The following MAST2 variants were observed in gnomAD, a reference collection of about 807,000 sequenced individuals.
The protein encoded by MAST2 is microtubule-associated serine/threonine-protein kinase 2.
Under a neutral mutation model 147.4 loss-of-function variants are expected in MAST2, and 70 were observed. The ratio of observed to expected loss-of-function variants is 0.47; its 90% CI spans 0.39 to 0.58. The LOEUF is 0.58. Ranked by LOEUF, MAST2 falls within the 20% of genes least tolerant of loss-of-function variation. The pLI is 0.00. For missense variants in MAST2, 2,080 were observed against 2,302.3 expected (o/e 0.90, Z 1.98); for synonymous variants, 869 against 896.8 (o/e 0.97, Z 0.55).
chr1:45,940,621 AT>A (rs372778900), intron 4 of MAST2, among the ~76,000 whole-genome samples: 1,486 of 140,970 alleles, frequency 0.011, 20 homozygotes, highest in African/African-American at 0.028. Flanking sequence ...AAGGTTGAGG[AT>A]TTTTTTTTTT....
chr1:45,812,349 G>T (rs1221623387), intron 1 of MAST2, among the ~76,000 whole-genome samples: 3 of 152,086 alleles, frequency 2.0e-5, no homozygotes, highest in Non-Finnish European at 4.4e-5. Flanking sequence ...CCCTGATGAG[G>T]GTAGGACACA....
At chr1:45,921,722 G>A (rs1653525495) in intron 4 of MAST2, among the ~76,000 whole-genome samples, 1 of 152,220 alleles carries the variant, frequency 6.6e-6, no homozygotes. Context: ...CCCCAAAGCA[G>A]GAGTCACAGC....
In MAST2 at chr1:46,033,870, G is replaced by A; in HGVS notation, c.3606G>A (p.Arg1202=). 2 of 1,614,204 alleles carry A rather than the reference G, an allele frequency of 1.2e-6. No homozygotes were observed. The highest frequency in any genetic ancestry group is 1.7e-6 in the Non-Finnish European group (2 of 1,180,030). Residue 1202 remains arginine (R), a synonymous_variant, in exon 27 of 29, where the codon CGG becomes CGA. Transcript: ENST00000361297. Reference sequence around the variant, plus strand: ...CATCCATTAAAGTGGGGCCAGCTCGGAAGGGCAGCTACAAGGCCAAGATGG... The same window carrying A: ...CATCCATTAAAGTGGGGCCAGCTCGAAAGGGCAGCTACAAGGCCAAGATGG... ...ENTSIKVGPA[R]KGSYKAKMAR...
At chr1:45,934,858 A>G (rs1655946641) in intron 4 of MAST2, among the ~76,000 whole-genome samples, 1 of 152,204 alleles carries the variant, frequency 6.6e-6, no homozygotes, top group Admixed American at 6.5e-5. Flanking sequence ...GCTGTGATGA[A>G]CATGTGAGTG....
At chr1:45,856,157 A>T (rs1645781433) in intron 3 of MAST2, among the ~76,000 whole-genome samples, 1 of 152,194 alleles carries the variant, frequency 6.6e-6, no homozygotes, top group African/African-American at 2.4e-5. Context: ...GGTACACAGC[A>T]AACTTGTAAT....
chr1:45,936,527 G>T (rs151235587), intron 4 of MAST2, among the ~76,000 whole-genome samples: 1 of 152,098 alleles, frequency 6.6e-6, no homozygotes, highest in Non-Finnish European at 1.5e-5. Context: ...TTTGAGGTAT[G>T]TTCCTTTGAT....
At chr1:45,982,606 C>T (rs1003114130) in intron 5 of MAST2, among the ~76,000 whole-genome samples, 1 of 152,220 alleles carries the variant, frequency 6.6e-6, no homozygotes, top group African/African-American at 2.4e-5. Flanking sequence ...TCCCCTCCCA[C>T]ACCTCACCCT....
intron 4 of MAST2, among the ~76,000 whole-genome samples, chr1:45,947,111 AT>A (rs1658154985): frequency 1.3e-5 from 2 of 152,146 alleles, no homozygotes; most frequent in Admixed American, 1.3e-4. Flanking sequence ...GCTATGTAGC[AT>A]TTCTTAGCCT....
chr1:45,812,637 G>C (rs1391819100), intron 1 of MAST2, among the ~76,000 whole-genome samples: 1 of 151,984 alleles, frequency 6.6e-6, no homozygotes, highest in African/African-American at 2.4e-5. Flanking sequence ...TGTTGGTCAG[G>C]CTGTCTCAAA....
At chr1:45,863,446 AT>A (rs1005757570) in intron 3 of MAST2, among the ~76,000 whole-genome samples, 5 of 152,324 alleles carry the variant, frequency 3.3e-5, no homozygotes, top group African/African-American at 9.6e-5. Flanking sequence ...GGAAATGTGG[AT>A]TTATTAGCTC....
intron 5 of MAST2, among the ~76,000 whole-genome samples, chr1:45,968,257 T>A (rs1643701996): frequency 6.6e-6 from 1 of 152,260 alleles, no homozygotes; most frequent in Non-Finnish European, 1.5e-5. Context: ...GTTTTTAGTT[T>A]ACCTTCATCA....
In MAST2 at chr1:46,035,799, C is replaced by T; in HGVS notation, c.5130C>T (p.Ala1710=). ...AGGGGAAGACACAGCCACCTAGTGCCCCCAGACTGGCCCATCCATCTTATG... is the reference window on the plus strand; with the variant it reads ...AGGGGAAGACACAGCCACCTAGTGCTCCCAGACTGGCCCATCCATCTTATG... ...REQGKTQPPS[A]PRLAHPSYED... The change falls in exon 29 of 29, where the codon GCC becomes GCT. Residue 1710 remains alanine, a synonymous_variant. Transcript: ENST00000361297. The surrounding 1 kb of genome is among the most constrained non-coding windows in gnomAD (Gnocchi z 5.5). 1 of 1,614,110 alleles carries T rather than the reference C, an allele frequency of 6.2e-7. No homozygotes were observed. The highest frequency in any genetic ancestry group is 8.5e-7 in the Non-Finnish European group (1 of 1,180,030).
rs530614485 is a variant in MAST2, at chr1:45,995,083, G to A, written c.593-2641G>A. 3.5e-4 allele frequency among the ~76,000 whole-genome samples: 53 copies of A among 151,856 alleles called. 1 individual carries two copies. Among genetic ancestry groups the A allele is most frequent in the Non-Finnish European group, 5.9e-5 (4 of 67,958 alleles). On this transcript the variant is annotated intron_variant, in intron 5 of 28. Coordinates refer to ENST00000361297, the MANE Select transcript of MAST2 (RefSeq NM_015112.3). ...TCTCGATCTCCTGGCCTCGTGATCC[G>A]CCCACCTCAGCCTCCCAAAGTGCTG...
intron 4 of MAST2, among the ~76,000 whole-genome samples, chr1:45,936,805 AT>A (rs1268701341): frequency 6.6e-6 from 1 of 152,190 alleles, no homozygotes; most frequent in East Asian, 1.9e-4. Context: ...AGACTGAATT[AT>A]TCAGGAAAGA....
chr1:45,809,734 G>T (rs1644240284), intron 1 of MAST2, among the ~76,000 whole-genome samples: 1 of 152,214 alleles, frequency 6.6e-6, no homozygotes, highest in Non-Finnish European at 1.5e-5. Context: ...ATCCTAGGAG[G>T]ATCCTTAATT....
chr1:46,025,713 C>T lies in MAST2; in HGVS notation c.1817C>T (p.Ala606Val), dbSNP rs1400906696. 1 of 1,614,058 alleles carries T rather than the reference C, an allele frequency of 6.2e-7. No homozygotes were observed. Among genetic ancestry groups the T allele is most frequent in the Non-Finnish European group, 8.5e-7 (1 of 1,180,030 alleles). Residue 606 changes from alanine to valine, a missense_variant, in exon 16 of 29, where the codon GCC (alanine) becomes GTC (valine). Coordinates refer to ENST00000361297, the MANE Select transcript of MAST2 (RefSeq NM_015112.3). The stretch of plus-strand genomic sequence containing the variant: ...GCCACTCTGCTGAAGAATATTGGGG[C>T]CCTGCCTGTGGACATGGTGCGTCTA... ...DCATLLKNIG[A>V]LPVDMVRLYF...
Position 46,034,745 on chromosome 1 carries a change from C to G in MAST2, c.4076C>G (p.Pro1359Arg). 1 of 1,613,966 alleles carries G rather than the reference C, an allele frequency of 6.2e-7. No individual in the cohort carries two copies. The highest frequency in any genetic ancestry group is 8.5e-7 in the Non-Finnish European group (1 of 1,180,024). ...TPSPPPPTAS[P>R]QRSPSPLSGH... ...TCTCCCCCACCCCCAACAGCTTCAC[C>G]TCAGCGGTCCCCATCGCCCCTGTCT... The change falls in exon 29 of 29, where the codon CCT (proline) becomes CGT (arginine). Residue 1359 changes from proline (P) to arginine (R), a missense_variant. Physicochemically the swap from Pro to Arg is moderately radical, Grantham distance 103 (BLOSUM62 -2). Around this residue, in one of 4 missense-constraint regions of MAST2, gnomAD observed 1,278 missense variants for 1,304.2 expected, o/e 0.98. Coordinates refer to ENST00000361297, the MANE Select transcript of MAST2 (RefSeq NM_015112.3).
intron 4 of MAST2, among the ~76,000 whole-genome samples, chr1:45,956,270 G>A (rs930868733): frequency 6.6e-6 from 1 of 152,030 alleles, no homozygotes; most frequent in Non-Finnish European, 1.5e-5. Context: ...GCAACCTATT[G>A]TCAACACTTC....
At chr1:45,820,620 G>GA (rs531899852) in intron 1 of MAST2, among the ~76,000 whole-genome samples, 70 of 152,044 alleles carry the variant, frequency 4.6e-4, no homozygotes, top group African/African-American at 1.6e-3. Context: ...GTCATATAGG[G>GA]AAAAAAGGTG....
Sources: gnomAD v4.1 joint callset for allele counts (sites outside exome capture counted in the v4.1 genomes callset) on GRCh38, gnomAD v4.1.1 for gene constraint, gnomAD v4.1.1 regional missense constraint, Gnocchi (gnomAD v3.1) non-coding constraint, MANE v1.5 for transcripts, NCBI Gene and HGNC (gene_info 2026-07-23, HGNC 2026-07-21) for gene names.